SLFN14: variants seen among roughly 807,000 people sequenced by gnomAD.
The protein encoded by SLFN14 is schlafen family member 14.
SLFN14 carries 47 observed loss-of-function variants against 58.6 expected under a neutral mutation model. That is an observed-to-expected ratio of 0.80 (90% CI 0.64 to 1.02). The LOEUF (loss-of-function observed/expected upper bound fraction) is 1.02, where lower values mean the gene tolerates loss of function less well. SLFN14 is among the 50% of genes least tolerant of loss of function. The pLI is 0.00. For missense variants in SLFN14, 967 were observed against 1,078.4 expected, an observed-to-expected ratio of 0.90 and a Z score of 1.45; for synonymous variants, 390 against 387.3, an observed-to-expected ratio of 1.01 and a Z score of -0.08.
Position 35,557,351 on chromosome 17 carries a change from T to C in SLFN14, c.712A>G (p.Thr238Ala). Residue 238 changes from threonine (T) to alanine (A), a missense_variant, in exon 3 of 6, where the codon ACT (threonine) becomes GCT (alanine). By Grantham distance (58) the Thr-to-Ala change is moderately conservative. Coordinates refer to ENST00000674182, the MANE Select transcript of SLFN14 (RefSeq NM_001129820.2). ...LPHYVSAFAN[T>A]QGGYVLIGVD... ...CCAATGAGGACATATCCCCCTTGAG[T>C]GTTGGCAAATGCAGAAACATAATGA... The C allele has an allele frequency of 6.4e-7, 1 of 1,551,702 alleles. No homozygotes were observed. The highest frequency in any genetic ancestry group is 1.2e-5 in the South Asian group (1 of 84,060).
Position 35,548,825 on chromosome 17 carries a change from G to A in SLFN14, c.2153C>T (p.Pro718Leu), listed in dbSNP as rs1398625955. ...IHHADVNGLPPPSAQFPRKTI... is the reference protein window; with the variant it reads ...IHHADVNGLPLPSAQFPRKTI... ...TTTTCGAGGAAACTGAGCAGATGGA[G>A]GGGGAAGGCCATTGACATCTGCGTG... is the stretch of plus-strand genomic sequence containing the variant. The change falls in exon 6 of 6, where the codon CCT becomes CTT. Residue 718 changes from proline (P) to leucine (L), a missense_variant. Coordinates refer to ENST00000674182, the MANE Select transcript of SLFN14 (RefSeq NM_001129820.2). 2 of 1,551,686 alleles carry A rather than the reference G, an allele frequency of 1.3e-6. No individual in the cohort carries two copies. The highest frequency in any genetic ancestry group is 2.4e-5 in the South Asian group (2 of 84,064).
chr17:35,557,221 A>G lies in SLFN14; in HGVS notation c.842T>C (p.Phe281Ser). Residue 281 changes from phenylalanine to serine, a missense_variant, in exon 3 of 6, where the codon TTC (phenylalanine) becomes TCC (serine). Phe to Ser is a radical substitution (Grantham distance 155). Transcript: ENST00000674182. ...CTTTGGCTTCTCACAGCAGAAGTGG[A>G]ATGTAGGCAATTTTTCTATGCAGTT... ...IENCIEKLPT[F>S]HFCCEKPKVN... is the part of the protein sequence containing the mutation. 6.4e-7 allele frequency: 1 copy of G among 1,551,692 alleles called. No individual in the cohort carries two copies. Among genetic ancestry groups the G allele is most frequent in the Non-Finnish European group, 8.7e-7 (1 of 1,147,000 alleles).
At position 35,548,690 on chromosome 17, in the gene SLFN14, G is replaced by T; in HGVS notation, c.2288C>A (p.Ala763Glu). 5 of 1,551,720 alleles carry T rather than the reference G, an allele frequency of 3.2e-6. No individual in the cohort carries two copies. Among genetic ancestry groups the T allele is most frequent in the Non-Finnish European group, 4.4e-6 (5 of 1,147,000 alleles). Residue 763 changes from alanine (A) to glutamate (E), a missense_variant, in exon 6 of 6, where the codon GCA becomes GAA. Ala to Glu is a moderately radical substitution (Grantham distance 107, BLOSUM62 -1). Coordinates refer to ENST00000674182, the MANE Select transcript of SLFN14 (RefSeq NM_001129820.2). ...PPSNMSPDTL[A>E]LFSETAYEEA... ...CTCATAGGCAGTCTCGCTGAACAAT[G>T]CTAATGTGTCTGGAGACATGTTGGA... is the stretch of plus-strand genomic sequence containing the variant.
At chr17:35,558,318 T>G (rs1384315115) in intron 2 of SLFN14, among the ~76,000 whole-genome samples, 1 of 152,162 alleles carries the variant, frequency 6.6e-6, no homozygotes, top group Non-Finnish European at 1.5e-5. Flanking sequence ...CAGGTTGGAG[T>G]GCAGTGGCAC....
Position 35,548,409 on chromosome 17 carries a change from C to T in SLFN14, c.2569G>A (p.Gly857Arg). The change falls in exon 6 of 6, where the codon GGA becomes AGA. Residue 857 changes from glycine to arginine, a missense_variant. Coordinates refer to ENST00000674182, the MANE Select transcript of SLFN14 (RefSeq NM_001129820.2). ...VVFSPATGVW[G>R]SHIVLDSIQQ... ...ATACTGTCTAAAACAATGTGACTTC[C>T]CCAAACACCGGTGGCCGGGCTAAAC... 6.4e-7 allele frequency: 1 copy of T among 1,551,706 alleles called. No individual in the cohort carries two copies. The highest frequency in any genetic ancestry group is 8.7e-7 in the Non-Finnish European group (1 of 1,146,994).
At chr17:35,560,683 C>T (rs936798644) in intron 1 of SLFN14, among the ~76,000 whole-genome samples, 84 bp downstream of exon 1, 2 of 151,918 alleles carry the variant, frequency 1.3e-5, no homozygotes, top group African/African-American at 4.8e-5. Flanking sequence ...TACTATTTTA[C>T]TAATCCCTCA....
At chr17:35,554,009 C>T (rs1030148629) in intron 4 of SLFN14, among the ~76,000 whole-genome samples, 2 of 152,084 alleles carry the variant, frequency 1.3e-5, no homozygotes, top group African/African-American at 4.8e-5. Context: ...AGGAATGCTG[C>T]TAAGTATTCT....
chr17:35,555,842 G>C (rs912603825), intron 3 of SLFN14, among the ~76,000 whole-genome samples: 1 of 152,034 alleles, frequency 6.6e-6, no homozygotes, highest in Non-Finnish European at 1.5e-5. Context: ...AGAACACCAG[G>C]GGTCCTGCTC....
At position 35,548,310 on chromosome 17, in the gene SLFN14, G is replaced by T; in HGVS notation, c.2668C>A (p.His890Asn). The T allele has an allele frequency of 6.4e-7, 1 of 1,551,700 alleles. No individual in the cohort carries two copies. Among genetic ancestry groups the T allele is most frequent in the Non-Finnish European group, 8.7e-7 (1 of 1,146,990 alleles). ...GCTCTTGAAGCAAAGCAGAGCTTATGAAATTCCTCTGACTGGTCACATTCT... is the reference window on the plus strand; with the variant it reads ...GCTCTTGAAGCAAAGCAGAGCTTATTAAATTCCTCTGACTGGTCACATTCT... ...SPECDQSEEF[H>N]KLCFASRAIK... is the part of the protein sequence containing the mutation. The change falls in exon 6 of 6, where the codon CAT becomes AAT. Residue 890 changes from histidine (H) to asparagine (N), a missense_variant. His to Asn is a moderately conservative substitution (Grantham distance 68). Coordinates refer to ENST00000674182, the MANE Select transcript of SLFN14 (RefSeq NM_001129820.2).
chr17:35,550,058 A>G (rs1372015694), intron 5 of SLFN14, among the ~76,000 whole-genome samples: 1 of 152,230 alleles, frequency 6.6e-6, no homozygotes, highest in African/African-American at 2.4e-5. Context: ...CACCTGCTGT[A>G]TACCCACAGT....
Position 35,548,812 on chromosome 17 carries a change from C to T in SLFN14, c.2166G>A (p.Gln722=), listed in dbSNP as rs1192311575. ...CACTGGTGATTGTTTTTCGAGGAAACTGAGCAGATGGAGGGGGAAGGCCAT... is the reference window on the plus strand; with the variant it reads ...CACTGGTGATTGTTTTTCGAGGAAATTGAGCAGATGGAGGGGGAAGGCCAT... ...DVNGLPPPSA[Q]FPRKTITSGI... is the part of the protein sequence containing the mutation. Residue 722 remains glutamine, a synonymous_variant, in exon 6 of 6, where the codon CAG becomes CAA. Transcript: ENST00000674182. The T allele has an allele frequency of 3.2e-6, 5 of 1,551,414 alleles. No homozygotes were observed. The highest frequency in any genetic ancestry group is 4.4e-6 in the Non-Finnish European group (5 of 1,146,710).
At position 35,558,206 on chromosome 17, in the gene SLFN14, T is replaced by C. The variant is rs1597912380; in HGVS notation, c.-44-100A>G. On this transcript the variant is annotated intron_variant, in intron 2 of 5. Coordinates refer to ENST00000674182, the MANE Select transcript of SLFN14 (RefSeq NM_001129820.2). ...CAATTACTGGAGATATATTTTAATG[T>C]TGGAAGTCATCTCTCTCTATATGTA... 7 of 773,840 alleles carry C rather than the reference T, an allele frequency of 9.0e-6. No homozygotes were observed. The East Asian group carries it at 1.9e-4, about 21-fold the overall frequency. 47.9% of individuals were successfully genotyped at this position (773,840 alleles called of 1,614,324 possible).
chr17:35,552,637 C>CAT (rs144316056), intron 5 of SLFN14, 93 bp downstream of exon 5: 86 of 395,642 alleles, frequency 2.2e-4, no homozygotes, highest in South Asian at 1.2e-3. Context: ...CATATATATA[C>CAT]ATATATATAT....
chr17:35,553,217 A>C lies in SLFN14; in HGVS notation c.1417T>G (p.Leu473Val), dbSNP rs1192599019. 2 of 1,551,702 alleles carry C rather than the reference A, an allele frequency of 1.3e-6. No individual in the cohort carries two copies. Among genetic ancestry groups the C allele is most frequent in the East Asian group, 2.4e-5 (1 of 40,924 alleles). ...CCTCCAGGCCAATTGGGGTCTATTA[A>C]GATTGTATAGAGTACCACGGGGCTG... ...VNSPVVLYTI[L>V]IDPNWPGGLE... Residue 473 changes from leucine (L) to valine (V), a missense_variant, in exon 5 of 6, where the codon TTA becomes GTA. Coordinates refer to ENST00000674182, the MANE Select transcript of SLFN14 (RefSeq NM_001129820.2).
intron 5 of SLFN14, among the ~76,000 whole-genome samples, chr17:35,550,073 A>C (rs1409409628): frequency 6.6e-6 from 1 of 152,210 alleles, no homozygotes; most frequent in Non-Finnish European, 1.5e-5. Context: ...CACAGTCTGC[A>C]CAGCTCTAGT....
At position 35,557,818 on chromosome 17, in the gene SLFN14, G is replaced by T. The variant is rs1450224878; in HGVS notation, c.245C>A (p.Thr82Asn). The change falls in exon 3 of 6, where the codon ACT (threonine) becomes AAT (asparagine). Residue 82 changes from threonine (T) to asparagine (N), a missense_variant. Physicochemically the swap from Thr to Asn is moderately conservative, Grantham distance 65. Transcript: ENST00000674182. ...TGAAGGAAGGAGCTTTTGAAAAGAAGTTTCCAAATCCTGTCCCAGCCCATG... is the reference window on the plus strand; with the variant it reads ...TGAAGGAAGGAGCTTTTGAAAAGAATTTTCCAAATCCTGTCCCAGCCCATG... ...QCHGLGQDLE[T>N]SFQKLLPSGS... 1 of 1,551,722 alleles carries T rather than the reference G, an allele frequency of 6.4e-7. No individual in the cohort carries two copies. Among genetic ancestry groups the T allele is most frequent in the East Asian group, 2.4e-5 (1 of 40,926 alleles).
Position 35,553,112 on chromosome 17 carries a change from T to C in SLFN14, c.1522A>G (p.Ile508Val), listed in dbSNP as rs2142203649. 2 of 1,551,698 alleles carry C rather than the reference T, an allele frequency of 1.3e-6. No individual in the cohort carries two copies. The highest frequency in any genetic ancestry group is 4.9e-5 in the East Asian group (2 of 40,924). Residue 508 changes from isoleucine to valine, a missense_variant, in exon 5 of 6, where the codon ATC becomes GTC. Coordinates refer to ENST00000674182, the MANE Select transcript of SLFN14 (RefSeq NM_001129820.2). ...CTCAGGTGTATCAGCCTTGGAATGA[T>C]GCACACTTTCCCTGTGTAACCACCA... ...TVGGYTGKVC[I>V]IPRLIHLSST...
intron 3 of SLFN14, among the ~76,000 whole-genome samples, chr17:35,554,963 T>C (rs2072637290): frequency 6.6e-6 from 1 of 152,118 alleles, no homozygotes; most frequent in Admixed American, 6.6e-5. Flanking sequence ...TCTCTCACGC[T>C]GGAGTGAAGT....
At position 35,548,992 on chromosome 17, in the gene SLFN14, A is replaced by T; in HGVS notation, c.1986T>A (p.Asp662Glu). The T allele has an allele frequency of 6.4e-7, 1 of 1,551,684 alleles. No individual in the cohort carries two copies. Among genetic ancestry groups the T allele is most frequent in the South Asian group, 1.2e-5 (1 of 84,060 alleles). The change falls in exon 6 of 6, where the codon GAT (aspartate) becomes GAA (glutamate). Residue 662 changes from aspartate (D) to glutamate (E), a missense_variant. Transcript: ENST00000674182. ...ATTTGCTGCAGAAATTCTCAGTCTCATCCATCACTATGTGTTTAATCTTTA... is the reference window on the plus strand; with the variant it reads ...ATTTGCTGCAGAAATTCTCAGTCTCTTCCATCACTATGTGTTTAATCTTTA... ...EFLKIKHIVMDETENFCSKYG... is the reference protein window; with the variant it reads ...EFLKIKHIVMEETENFCSKYG...
Sources: gnomAD v4.1 joint callset for allele counts (sites outside exome capture counted in the v4.1 genomes callset) on GRCh38, gnomAD v4.1.1 for gene constraint, MANE v1.5 for transcripts, NCBI Gene and HGNC (gene_info 2026-07-23, HGNC 2026-07-21) for gene names.